The following ATP13A3 variants were observed in gnomAD, a reference collection of about 807,000 sequenced individuals.
ATP13A3 encodes the protein polyamine-transporting ATPase 13A3.
ATP13A3 carries 59 observed loss-of-function variants against 158.1 expected under a neutral mutation model. The ratio of observed to expected loss-of-function variants is 0.37; its 90% CI spans 0.30 to 0.46. ATP13A3 has a LOEUF of 0.46. Ranked by LOEUF, ATP13A3 falls within the 20% of genes least tolerant of loss-of-function variation. The pLI, the probability that ATP13A3 is intolerant of heterozygous loss-of-function variation, is 1.00. For synonymous variants in ATP13A3, 491 were observed against 504.3 expected (o/e 0.97, Z 0.35); for missense variants, 1,166 against 1,525.2 (o/e 0.76, Z 3.92).
rs1491477047 is a variant in ATP13A3, at chr3:194,421,136, A to ATATACTAT, written c.3314-1170_3314-1169insATAGTATA. Among the ~76,000 whole-genome samples, 2 of 3,022 alleles carry ATATACTAT rather than the reference A, an allele frequency of 6.6e-4. 1 individual carries two copies. Among genetic ancestry groups the ATATACTAT allele is most frequent in the African/African-American group, 4.1e-3 (2 of 484 alleles). 2.0% of individuals were successfully genotyped at this position (3,022 alleles called of 152,430 possible). ...GGTGTATATATATATATATATATAT[A>ATATACTAT]GTATATATATATATATATATATATA... On this transcript the variant is annotated intron_variant, in intron 30 of 33. Coordinates refer to ENST00000645319, the MANE Select transcript of ATP13A3 (RefSeq NM_001367549.1).
chr3:194,406,759 T>C (rs184365681), intron 33 of ATP13A3, among the ~76,000 whole-genome samples: 26 of 152,332 alleles, frequency 1.7e-4, no homozygotes, highest in Admixed American at 7.8e-4. Flanking sequence ...ATATCATCTC[T>C]CAAAACATGA....
intron 31 of ATP13A3, among the ~76,000 whole-genome samples, chr3:194,415,661 C>CTTTTTTTTTTTT (rs751005733): frequency 1.5e-4 from 14 of 90,928 alleles, no homozygotes; most frequent in African/African-American, 5.2e-4. Flanking sequence ...ATACCACATT[C>CTTTTTTTTTTTT]TTTTTTTTTT....
At chr3:194,453,555 T>G in intron 10 of ATP13A3, 151 bp downstream of exon 10, 1 of 618,684 alleles carries the variant, frequency 1.6e-6, no homozygotes, top group South Asian at 2.3e-5. Flanking sequence ...GCTGAGATTG[T>G]GCCTTTGCAC....
chr3:194,418,058 G>A (rs1422033551), intron 31 of ATP13A3, among the ~76,000 whole-genome samples: 1 of 150,032 alleles, frequency 6.7e-6, no homozygotes, highest in African/African-American at 2.5e-5. Flanking sequence ...AAGGAAGGAA[G>A]GAAACTGATA....
intron 3 of ATP13A3, 23 bp from the exon 4 acceptor site, chr3:194,460,854 T>A: frequency 1.3e-6 from 2 of 1,590,084 alleles, no homozygotes; most frequent in Admixed American, 1.8e-5. Context: ...AGCGATCACA[T>A]GATTAATTAT....
intron 8 of ATP13A3, among the ~76,000 whole-genome samples, chr3:194,455,377 T>A (rs913424994): frequency 6.6e-6 from 1 of 152,082 alleles, no homozygotes; most frequent in South Asian, 2.1e-4. Flanking sequence ...TCATTTTACC[T>A]CAAAACCAAA....
intron 17 of ATP13A3, 91 bp from the exon 18 acceptor site, chr3:194,437,664 A>G (rs1717757046): frequency 2.3e-6 from 3 of 1,284,146 alleles, no homozygotes; most frequent in Middle Eastern, 2.7e-4. Flanking sequence ...TCCACAAAAC[A>G]TTATTTGGAA....
intron 2 of ATP13A3, among the ~76,000 whole-genome samples, chr3:194,462,627 GA>G (rs1332817281): frequency 6.6e-6 from 1 of 152,202 alleles, no homozygotes; most frequent in Non-Finnish European, 1.5e-5. Context: ...AAAGGTTGGG[GA>G]CCACTGTTTT....
chr3:194,465,844 T>C (rs1475121987), intron 2 of ATP13A3, among the ~76,000 whole-genome samples: 2 of 150,930 alleles, frequency 1.3e-5, no homozygotes, highest in East Asian at 3.9e-4. Context: ...TAGCCAGGGG[T>C]GGTGGTGCAT....
chr3:194,483,330 C>G (rs1264827155), intron 2 of ATP13A3, among the ~76,000 whole-genome samples: 1 of 149,258 alleles, frequency 6.7e-6, no homozygotes, highest in East Asian at 2.0e-4. Context: ...TGATAAATGC[C>G]TGTAACCCTA....
At chr3:194,483,160 C>T (rs1043243807) in intron 2 of ATP13A3, among the ~76,000 whole-genome samples, 2 of 151,658 alleles carry the variant, frequency 1.3e-5, no homozygotes, top group African/African-American at 2.4e-5. Context: ...GGCACACACC[C>T]GTTGTCCCAA....
intron 33 of ATP13A3, among the ~76,000 whole-genome samples, chr3:194,409,659 G>T (rs1441333247): frequency 7.2e-6 from 1 of 139,096 alleles, no homozygotes; most frequent in Non-Finnish European, 1.5e-5. Flanking sequence ...CATTTCTGAT[G>T]AATAATCTTG....
In ATP13A3 at chr3:194,403,172, C is replaced by T. The variant is rs570777581; in HGVS notation, c.*2747G>A. 8 of 152,140 alleles carry T rather than the reference C, an allele frequency of 5.3e-5. No individual in the cohort carries two copies. The East Asian group carries it at 5.8e-4, about 11-fold the overall frequency. The allele number at this position is 152,140 out of a possible 1,614,324, so 9.4% of individuals were successfully genotyped here. ...ACATAAACATTGATATATTATTTAC[C>T]ATGCCTTTGAAACTGTGCAGGACTT... On this transcript the variant is annotated 3_prime_UTR_variant, in exon 34 of 34. Transcript: ENST00000645319.
chr3:194,472,698 A>T (rs1394575581), intron 2 of ATP13A3, among the ~76,000 whole-genome samples: 2 of 152,240 alleles, frequency 1.3e-5, no homozygotes, highest in African/African-American at 4.8e-5. Context: ...ACATGCACTC[A>T]TATGTTCATC....
intron 20 of ATP13A3, 123 bp from the exon 21 acceptor site, chr3:194,434,019 C>G (rs1560085756): frequency 9.5e-7 from 1 of 1,057,034 alleles, no homozygotes; most frequent in Non-Finnish European, 1.3e-6. Flanking sequence ...TTTAAAATAT[C>G]TATAAATGAA....
chr3:194,477,714 A>G (rs965711902), intron 2 of ATP13A3, among the ~76,000 whole-genome samples: 2 of 152,120 alleles, frequency 1.3e-5, no homozygotes, highest in Non-Finnish European at 2.9e-5. Flanking sequence ...GGGAGTGGAC[A>G]CTCTATCGCA....
intron 16 of ATP13A3, among the ~76,000 whole-genome samples, 197 bp downstream of exon 16, chr3:194,441,114 G>T (rs1237562153): frequency 6.6e-6 from 1 of 152,114 alleles, no homozygotes. Context: ...TACTAAATGG[G>T]TTAACTAAAA....
intron 2 of ATP13A3, among the ~76,000 whole-genome samples, chr3:194,477,504 A>T (rs1720575650): frequency 6.6e-6 from 1 of 152,126 alleles, no homozygotes; most frequent in South Asian, 2.1e-4. Context: ...CTGTGTTCCC[A>T]GGTCCCTTAG....
At chr3:194,407,551 G>A (rs911767735) in intron 33 of ATP13A3, among the ~76,000 whole-genome samples, 7 of 152,230 alleles carry the variant, frequency 4.6e-5, no homozygotes, top group African/African-American at 1.2e-4. Context: ...CCCTGGCCCC[G>A]CTGAGAGCAC....
Sources: gnomAD v4.1 joint callset for allele counts (sites outside exome capture counted in the v4.1 genomes callset) on GRCh38, gnomAD v4.1.1 for gene constraint, MANE v1.5 for transcripts, NCBI Gene and HGNC (gene_info 2026-07-23, HGNC 2026-07-21) for gene names.